CHM: variants seen among roughly 807,000 people sequenced by gnomAD.
CHM encodes the protein rab proteins geranylgeranyltransferase component A 1.
CHM carries 10 observed loss-of-function variants against 49.0 expected under a neutral mutation model. The observed-to-expected ratio is 0.20, with a 90% CI of 0.13 to 0.35. The LOEUF is 0.35. Ranked by LOEUF, CHM falls within the 10% of genes least tolerant of loss-of-function variation. CHM has a pLI of 1.00. For synonymous variants in CHM, 184 were observed against 167.5 expected (o/e 1.10, Z -0.76); for missense variants, 455 against 478.4 (o/e 0.95, Z 0.46).
intron 12 of CHM, among the ~76,000 whole-genome samples, chrX:85,881,972 AT>A (rs1377016600): frequency 8.9e-6 from 1 of 111,906 alleles, no homozygotes; most frequent in Non-Finnish European, 1.9e-5. Flanking sequence ...ATTTCCATTT[AT>A]TTTTTTAAAT....
At chrX:86,035,500 C>A (rs1374517198) in intron 1 of CHM, among the ~76,000 whole-genome samples, 4 of 111,201 alleles carry the variant, frequency 3.6e-5, no homozygotes, top group African/African-American at 9.8e-5. Context: ...AAGAAAAAAT[C>A]ATTTCAGATA....
chrX:86,000,876 T>C (rs1004699858), intron 2 of CHM, among the ~76,000 whole-genome samples: 1 of 111,409 alleles, frequency 9.0e-6, no homozygotes, highest in African/African-American at 3.3e-5. Context: ...TGAAGTAAAG[T>C]TGGTAAATGG....
chrX:85,881,674 G>A (rs1924771118), intron 12 of CHM, among the ~76,000 whole-genome samples: 1 of 111,708 alleles, frequency 9.0e-6, no homozygotes, highest in South Asian at 3.7e-4. Context: ...GGCACAGTCA[G>A]TCACTTAAGT....
chrX:85,977,542 A>G (rs1347428278), intron 4 of CHM, among the ~76,000 whole-genome samples: 4 of 112,498 alleles, frequency 3.6e-5, no homozygotes, highest in African/African-American at 1.3e-4. Context: ...ACAAAAGTAT[A>G]ATACCTCTCA....
At chrX:85,870,970 T>C (rs1924017787) in intron 14 of CHM, among the ~76,000 whole-genome samples, 1 of 110,839 alleles carries the variant, frequency 9.0e-6, no homozygotes, top group Admixed American at 9.6e-5. Context: ...TAAGAAAAGA[T>C]GTAAACCTGC....
chrX:85,908,640 T>C (rs966025542), intron 9 of CHM, among the ~76,000 whole-genome samples: 2 of 111,296 alleles, frequency 1.8e-5, no homozygotes, highest in African/African-American at 6.5e-5. Flanking sequence ...TAAATAATTA[T>C]AGCTTAGAAT....
At chrX:85,939,502 C>T (rs1335889568) in intron 8 of CHM, among the ~76,000 whole-genome samples, 1 of 111,977 alleles carries the variant, frequency 8.9e-6, no homozygotes, top group Non-Finnish European at 1.9e-5. Flanking sequence ...ACAATACAGC[C>T]ATCTAAATTT....
intron 2 of CHM, among the ~76,000 whole-genome samples, chrX:85,991,833 A>C (rs1932208943): frequency 9.0e-6 from 1 of 111,482 alleles, no homozygotes; most frequent in Admixed American, 9.6e-5. Context: ...ATCCATGTTA[A>C]GTAGAACAAC....
At chrX:85,867,982 ATTAAG>A (rs1226141611) in intron 14 of CHM, among the ~76,000 whole-genome samples, 3 of 110,864 alleles carry the variant, frequency 2.7e-5, no homozygotes, top group East Asian at 2.8e-4. Context: ...GATTACCACA[ATTAAG>A]TTAACACGTC....
chrX:85,914,366 A>G (rs1927328046), intron 8 of CHM, among the ~76,000 whole-genome samples: 1 of 110,875 alleles, frequency 9.0e-6, no homozygotes, highest in African/African-American at 3.3e-5. Flanking sequence ...ATGTGCTGAT[A>G]TCTCCTCTGG....
chrX:85,935,402 T>C (rs1361806406), intron 8 of CHM, among the ~76,000 whole-genome samples: 1 of 111,477 alleles, frequency 9.0e-6, no homozygotes, highest in Non-Finnish European at 1.9e-5. Flanking sequence ...TCAACAGCCA[T>C]CCATCGCTTA....
intron 2 of CHM, among the ~76,000 whole-genome samples, chrX:86,002,549 G>A (rs979218810): frequency 3.6e-5 from 4 of 112,441 alleles, no homozygotes; most frequent in African/African-American, 1.3e-4. Context: ...ACTGGGATGG[G>A]TTGGACAGCG....
At chrX:85,979,041 C>G (rs759373639) in intron 3 of CHM, 150 bp from the exon 4 acceptor site, 1 of 528,380 alleles carries the variant, frequency 1.9e-6, no homozygotes, top group Non-Finnish European at 2.9e-6. Context: ...AAAGAAAGTC[C>G]AACAAGTGTT....
intron 1 of CHM, among the ~76,000 whole-genome samples, chrX:86,031,515 T>C (rs943774581): frequency 3.6e-5 from 4 of 112,386 alleles, no homozygotes; most frequent in Admixed American, 9.4e-5. Context: ...TAAACTTGTA[T>C]AAAACTGGAG....
rs759173098 is a variant in CHM at position 85,958,970 on chromosome X, T to C, written c.710A>G (p.Tyr237Cys). The change falls in exon 6 of 15, where the codon TAT becomes TGT. Residue 237 changes from tyrosine (Y) to cysteine (C), a missense_variant. Physicochemically the swap from Tyr to Cys is radical, Grantham distance 194 (BLOSUM62 -2). Coordinates refer to ENST00000357749, the MANE Select transcript of CHM (RefSeq NM_000390.4). ...FNIDLVSKLL[Y>C]SRGLLIDLLI... ...AAGATCAATTAGTAATCCTCGAGAA[T>C]ACAGCAGCTGTACAAAGAAAATATT... The C allele has an allele frequency of 2.5e-6, 3 of 1,210,602 alleles. No homozygotes were observed. The highest frequency in any genetic ancestry group is 1.1e-6 in the Non-Finnish European group (1 of 894,771).
At chrX:85,876,880 AT>A (rs1048235878) in intron 13 of CHM, among the ~76,000 whole-genome samples, 6 of 111,218 alleles carry the variant, frequency 5.4e-5, no homozygotes, top group Non-Finnish European at 9.5e-5. Flanking sequence ...CCCCAGCTTG[AT>A]TTTTTTTAAA....
chrX:85,961,935 T>C (rs1323627679), intron 5 of CHM, among the ~76,000 whole-genome samples: 3 of 111,837 alleles, frequency 2.7e-5, no homozygotes, highest in South Asian at 3.7e-4. Context: ...CCAGCATTCA[T>C]TTTCTTATAC....
At chrX:85,981,678 G>T in intron 3 of CHM, 59 bp downstream of exon 3, 1 of 820,163 alleles carries the variant, frequency 1.2e-6, no homozygotes, top group Non-Finnish European at 1.8e-6. Flanking sequence ...TTCAGTGCAG[G>T]GTTACTATGT....
chrX:86,040,392 G>T (rs1455874816), intron 1 of CHM, among the ~76,000 whole-genome samples: 3 of 112,189 alleles, frequency 2.7e-5, no homozygotes, highest in Non-Finnish European at 5.6e-5. Flanking sequence ...AAGAGCGGCA[G>T]GCTGACTCCA....
Sources: allele counts gnomAD v4.1 joint callset (sites outside exome capture counted in the v4.1 genomes callset), GRCh38; gene constraint gnomAD v4.1.1; transcripts MANE v1.5; gene names NCBI Gene and HGNC (gene_info 2026-07-23, HGNC 2026-07-21).